Variants in CA2 observed in about 807,000 individuals in gnomAD.
CA2 encodes the protein carbonic anhydrase 2.
In CA2, 23 loss-of-function variants were observed where a neutral mutation model predicts 27.8. The observed-to-expected ratio is 0.83, with a 90% CI of 0.59 to 1.17. The LOEUF is 1.17. CA2 is among the 50% of genes most tolerant of loss of function. CA2 has a pLI of 0.00. For synonymous variants in CA2, 99 were observed against 114.9 expected, an observed-to-expected ratio of 0.86 and a Z score of 0.88; for missense variants, 300 against 314.7, an observed-to-expected ratio of 0.95 and a Z score of 0.35.
At position 85,465,313 on chromosome 8, in the gene CA2, G is replaced by C. The variant is rs1334984459; in HGVS notation, c.76G>C (p.Glu26Gln). ...TAAGGACTTCCCCATTGCCAAGGGA[G>C]AGCGCCAGTCCCCTGTTGACATCGA... Reference protein sequence around the residue: ...WHKDFPIAKGERQSPVDIDTH... With the variant: ...WHKDFPIAKGQRQSPVDIDTH... The change falls in exon 2 of 7, where the codon GAG becomes CAG. Residue 26 changes from glutamate to glutamine, a missense_variant. Glu to Gln is a conservative substitution (Grantham distance 29). Coordinates refer to ENST00000285379, the MANE Select transcript of CA2 (RefSeq NM_000067.3). 8.7e-6 allele frequency: 14 copies of C among 1,614,058 alleles called. No individual in the cohort carries two copies. The highest frequency in any genetic ancestry group is 1.2e-5 in the Non-Finnish European group (14 of 1,180,018).
chr8:85,477,110 C>T lies in CA2; in HGVS notation c.508-10C>T. The T allele has an allele frequency of 6.2e-7, 1 of 1,613,902 alleles. No homozygotes were observed. The highest frequency in any genetic ancestry group is 8.5e-7 in the Non-Finnish European group (1 of 1,179,886). On this transcript the variant is annotated splice_polypyrimidine_tract_variant and intron_variant, in intron 5 of 6. Coordinates refer to ENST00000285379, the MANE Select transcript of CA2 (RefSeq NM_000067.3). The stretch of plus-strand genomic sequence containing the variant: ...TGATAGTTTGAAGCTGCGTATTTGC[C>T]TTGTTCTAGGGCAAGAGTGCTGACT...
At chr8:85,476,488 GCCC>G (rs1811800784) in intron 5 of CA2, among the ~76,000 whole-genome samples, 1 of 152,160 alleles carries the variant, frequency 6.6e-6, no homozygotes, top group African/African-American at 2.4e-5. Flanking sequence ...ACTGGCTTGA[GCCC>G]CTTGAATTCA....
rs540038949 is a variant in CA2, at chr8:85,480,840, T to C, written c.*51T>C. On this transcript the variant is annotated 3_prime_UTR_variant, in exon 7 of 7. Coordinates refer to ENST00000285379, the MANE Select transcript of CA2 (RefSeq NM_000067.3). ...TAATGAATCTTCGGGTGTTTCCCTTTAGCTAAGCACAGATCTACCTTGGTG... is the reference window on the plus strand; with the variant it reads ...TAATGAATCTTCGGGTGTTTCCCTTCAGCTAAGCACAGATCTACCTTGGTG... 1 of 1,602,036 alleles carries C rather than the reference T, an allele frequency of 6.2e-7. No homozygotes were observed.
rs113588643 is a variant in CA2, at chr8:85,466,005, C to T, written c.232+536C>T. ...TAAAGATGGCAGCATGTTTTGATATCTACTCAGAAATTCATTTCACAAACG... is the reference window on the plus strand; with the variant it reads ...TAAAGATGGCAGCATGTTTTGATATTTACTCAGAAATTCATTTCACAAACG... On this transcript the variant is annotated intron_variant, in intron 2 of 6. Coordinates refer to ENST00000285379, the MANE Select transcript of CA2 (RefSeq NM_000067.3). 4.4e-3 allele frequency among the ~76,000 whole-genome samples: 676 copies of T among 151,974 alleles called. 6 individuals are homozygous for T. The highest frequency in any genetic ancestry group is 0.015 in the African/African-American group (637 of 41,454).
In CA2 at chr8:85,481,351, T is replaced by C. The variant is rs886063153; in HGVS notation, c.*562T>C. On this transcript the variant is annotated 3_prime_UTR_variant, in exon 7 of 7. Coordinates refer to ENST00000285379, the MANE Select transcript of CA2 (RefSeq NM_000067.3). ...TGTTGTAATTTAATGACTTTTGAAT[T>C]ACAGAGATATAAATGAAGTATTATC... 1.3e-5 allele frequency: 2 copies of C among 153,774 alleles called. No homozygotes were observed. Among genetic ancestry groups the C allele is most frequent in the Non-Finnish European group, 2.9e-5 (2 of 68,898 alleles). The allele number at this position is 153,774 out of a possible 1,614,324, so 9.5% of individuals were successfully genotyped here. A position where few individuals can be genotyped will look rare whatever the true frequency, so the allele number is the denominator to read the frequency against.
chr8:85,464,169 C>A (rs1477665332), intron 1 of CA2, 54 bp downstream of exon 1: 2 of 1,483,628 alleles, frequency 1.3e-6, no homozygotes, highest in South Asian at 2.5e-5. Flanking sequence ...ATCCCCGATC[C>A]CCGATCCCCG....
At position 85,470,322 on chromosome 8, in the gene CA2, A is replaced by G. The variant is rs145432034; in HGVS notation, c.233-3371A>G. On this transcript the variant is annotated intron_variant, in intron 2 of 6. Coordinates refer to ENST00000285379, the MANE Select transcript of CA2 (RefSeq NM_000067.3). ...GGCAAAACAGTAATGCATGATTTAAAATTTTTCAGGTTATTTATAGAAAAG... is the reference window on the plus strand; with the variant it reads ...GGCAAAACAGTAATGCATGATTTAAGATTTTTCAGGTTATTTATAGAAAAG... Among the ~76,000 whole-genome samples the G allele has an allele frequency of 4.7e-3, 714 of 152,288 alleles. 4 individuals are homozygous for G. Among genetic ancestry groups the G allele is most frequent in the African/African-American group, 0.016 (682 of 41,570 alleles).
At position 85,477,174 on chromosome 8, in the gene CA2, T is replaced by C. The variant is rs703; in HGVS notation, c.562T>C (p.Leu188=). ...FDPRGLLPES[L]DYWTYPGSLT... Reference sequence around the variant, plus strand: ...TCCTCGTGGCCTCCTTCCTGAATCCTTGGATTACTGGACCTACCCAGGCTC... The same window carrying C: ...TCCTCGTGGCCTCCTTCCTGAATCCCTGGATTACTGGACCTACCCAGGCTC... Residue 188 remains leucine, a synonymous_variant, in exon 6 of 7, where the codon TTG becomes CTG. Coordinates refer to ENST00000285379, the MANE Select transcript of CA2 (RefSeq NM_000067.3). 0.6 allele frequency: 967,194 copies of C among 1,613,494 alleles called. 293,212 individuals carry two copies. Among genetic ancestry groups the C allele is most frequent in the African/African-American group, 0.71 (53,209 of 74,878 alleles).
intron 2 of CA2, among the ~76,000 whole-genome samples, chr8:85,468,497 G>A (rs893924056): frequency 2.6e-5 from 4 of 152,194 alleles, no homozygotes; most frequent in Non-Finnish European, 5.9e-5. Context: ...GGTGGCTCAC[G>A]CCTGTAGTCC....
intron 2 of CA2, among the ~76,000 whole-genome samples, chr8:85,465,969 G>A (rs1461646124): frequency 2.6e-5 from 4 of 151,856 alleles, no homozygotes; most frequent in African/African-American, 9.7e-5. Flanking sequence ...CTTAGTATTG[G>A]GCTAGTGTGA....
intron 6 of CA2, among the ~76,000 whole-genome samples, chr8:85,479,718 CA>C (rs1447366432): frequency 6.6e-6 from 1 of 152,090 alleles, no homozygotes; most frequent in African/African-American, 2.4e-5. Context: ...CATATATTGG[CA>C]AAATGCCAGT....
chr8:85,471,984 T>C (rs533291254), intron 2 of CA2, among the ~76,000 whole-genome samples: 48 of 152,318 alleles, frequency 3.2e-4, no homozygotes, highest in African/African-American at 1.1e-3. Context: ...TATAATTCTT[T>C]CTGTTTTCAT....
chr8:85,465,441 GGA>G lies in CA2; in HGVS notation c.206_207del (p.Glu69ValfsTer2). 1.9e-6 allele frequency: 3 copies of G among 1,614,134 alleles called. No individual in the cohort carries two copies. The South Asian group carries it at 3.3e-5, about 18-fold the overall frequency. On this transcript the variant is annotated frameshift_variant, in exon 2 of 7. Transcript: ENST00000285379. LOFTEE classifies it high-confidence loss of function. Reference protein sequence around the residue: ...ILNNGHAFNVEFDDSQDKAVL... With the variant: ...ILNNGHAFNVXFDDSQDKAVL... ...TCAACAATGGTCATGCTTTCAACGT[GGA>G]GTTTGATGACTCTCAGGACAAAGCA...
At chr8:85,466,044 G>A (rs1293338821) in intron 2 of CA2, among the ~76,000 whole-genome samples, 1 of 150,336 alleles carries the variant, frequency 6.7e-6, no homozygotes, top group Admixed American at 6.7e-5. Context: ...ATGTTTTAGA[G>A]TTGGTGAACA....
At position 85,480,339 on chromosome 8, in the gene CA2, A is replaced by T. The variant is rs112935534; in HGVS notation, c.664-331A>T. On this transcript the variant is annotated intron_variant, in intron 6 of 6. Transcript: ENST00000285379. The stretch of plus-strand genomic sequence containing the variant: ...AGTGGCGCAATCTCAGCTCATTGCA[A>T]TCTCTGCCTCCAGGGTTTAAATGAT... Among the ~76,000 whole-genome samples, 3,964 of 152,092 alleles carry T rather than the reference A, an allele frequency of 0.026. 185 individuals carry two copies. The highest frequency in any genetic ancestry group is 0.091 in the African/African-American group (3,756 of 41,478).
At chr8:85,464,320 G>C in intron 1 of CA2, 1 of 477,452 alleles carries the variant, frequency 2.1e-6, no homozygotes, top group Non-Finnish European at 3.6e-6. Flanking sequence ...CCTTGCCCCA[G>C]CTGCGAGGCC....
chr8:85,468,759 AAAAC>A (rs1197729980), intron 2 of CA2, among the ~76,000 whole-genome samples: 73 of 151,422 alleles, frequency 4.8e-4, no homozygotes, highest in African/African-American at 1.6e-3. Flanking sequence ...ACTCCATCTC[AAAAC>A]AAACAAACAA....
chr8:85,471,358 T>G (rs746602052), intron 2 of CA2, among the ~76,000 whole-genome samples: 1 of 148,420 alleles, frequency 6.7e-6, no homozygotes, highest in Non-Finnish European at 1.5e-5. Flanking sequence ...CTGAATGTGT[T>G]TAATCATTGA....
chr8:85,470,381 T>G (rs1811697666), intron 2 of CA2, among the ~76,000 whole-genome samples: 1 of 152,206 alleles, frequency 6.6e-6, no homozygotes, highest in Admixed American at 6.5e-5. Context: ...TCTGTAGAAT[T>G]AATCTTTTGC....
Sources: gnomAD v4.1 joint callset for allele counts (sites outside exome capture counted in the v4.1 genomes callset) on GRCh38, gnomAD v4.1.1 for gene constraint, MANE v1.5 for transcripts, NCBI Gene and HGNC (gene_info 2026-07-23, HGNC 2026-07-21) for gene names.